STXBP4: variants seen among roughly 807,000 people sequenced by gnomAD.
STXBP4 encodes syntaxin binding protein 4.
STXBP4 carries 55 observed loss-of-function variants against 76.1 expected under a neutral mutation model. That is an observed-to-expected ratio of 0.72 (90% CI 0.58 to 0.91). The LOEUF (loss-of-function observed/expected upper bound fraction) is 0.91. Ranked by LOEUF, STXBP4 falls within the 40% of genes least tolerant of loss-of-function variation. The pLI is 0.00. For missense variants in STXBP4, 618 were observed against 636.9 expected, an observed-to-expected ratio of 0.97 and a Z score of 0.32; for synonymous variants, 201 against 220.2, an observed-to-expected ratio of 0.91 and a Z score of 0.77.
At chr17:54,998,101 G>A (rs1481350382) in intron 4 of STXBP4, among the ~76,000 whole-genome samples, 2 of 151,986 alleles carry the variant, frequency 1.3e-5, no homozygotes, top group African/African-American at 4.8e-5. Context: ...AGTACTTCAT[G>A]TCTTTTTAAA....
chr17:54,978,117 G>A (rs972024756), intron 1 of STXBP4, among the ~76,000 whole-genome samples: 1 of 151,964 alleles, frequency 6.6e-6, no homozygotes, highest in African/African-American at 2.4e-5. Flanking sequence ...AAAGAAAATC[G>A]TTCCCTCAAA....
chr17:55,188,672 A>T, the STXBP4 span, among the ~76,000 whole-genome samples: 1 of 152,206 alleles, frequency 6.6e-6, no homozygotes, highest in African/African-American at 2.4e-5. Flanking sequence ...GGATCCCACA[A>T]AGAATTTTCT....
the STXBP4 span, among the ~76,000 whole-genome samples, chr17:55,210,222 A>T: frequency 1.3e-5 from 2 of 152,186 alleles, no homozygotes; most frequent in Non-Finnish European, 2.9e-5. Flanking sequence ...ATAAATCTAA[A>T]TTTTTAATGG....
intron 7 of STXBP4, 27 bp downstream of exon 7, chr17:55,000,910 C>T (rs1199606606): frequency 1.4e-6 from 2 of 1,442,320 alleles, no homozygotes; most frequent in African/African-American, 1.4e-5. Flanking sequence ...TTTCTATTTC[C>T]TGTTTTTTAT....
At chr17:55,026,689 A>G (rs1198115857) in intron 8 of STXBP4, among the ~76,000 whole-genome samples, 2 of 152,216 alleles carry the variant, frequency 1.3e-5, no homozygotes, top group Non-Finnish European at 2.9e-5. Flanking sequence ...TTTGCAGTCT[A>G]TGGACCGAAG....
At chr17:54,988,381 T>C (rs1165590130) in intron 3 of STXBP4, among the ~76,000 whole-genome samples, 1 of 152,194 alleles carries the variant, frequency 6.6e-6, no homozygotes, top group African/African-American at 2.4e-5. Context: ...TAAGAGTTAG[T>C]GGAGAGATCT....
intron 16 of STXBP4, among the ~76,000 whole-genome samples, chr17:55,110,922 T>G (rs1169969085): frequency 6.6e-6 from 1 of 152,166 alleles, no homozygotes; most frequent in African/African-American, 2.4e-5. Context: ...AAAGAGCCAG[T>G]GATGGACTTT....
chr17:54,997,512 AT>A (rs535467140), intron 4 of STXBP4, among the ~76,000 whole-genome samples: 233 of 141,080 alleles, frequency 1.7e-3, no homozygotes, highest in African/African-American at 5.0e-3. Context: ...AAAATCAAAA[AT>A]TTTTTTTAAA....
intron 12 of STXBP4, among the ~76,000 whole-genome samples, chr17:55,056,478 T>A (rs2078924165): frequency 6.6e-6 from 1 of 152,190 alleles, no homozygotes; most frequent in African/African-American, 2.4e-5. Flanking sequence ...CAAAAATCTT[T>A]TTCTTTTAAT....
chr17:55,211,046 T>C, the STXBP4 span, among the ~76,000 whole-genome samples: 2 of 152,138 alleles, frequency 1.3e-5, no homozygotes, highest in Non-Finnish European at 2.9e-5. Context: ...GTTTTCATGT[T>C]CAAAGAGGTG....
At chr17:55,059,695 G>T (rs1321201854) in intron 12 of STXBP4, among the ~76,000 whole-genome samples, 2 of 151,952 alleles carry the variant, frequency 1.3e-5, no homozygotes, top group Non-Finnish European at 2.9e-5. Context: ...TGCAGTCTTA[G>T]GTCTCATCCC....
intron 16 of STXBP4, among the ~76,000 whole-genome samples, chr17:55,108,256 C>T (rs1598320233): frequency 6.6e-6 from 1 of 152,148 alleles, no homozygotes; most frequent in East Asian, 1.9e-4. Flanking sequence ...GACGCCCCTC[C>T]CCCAGCAAGC....
the STXBP4 span, among the ~76,000 whole-genome samples, chr17:55,197,360 A>C: frequency 2.0e-5 from 3 of 152,246 alleles, no homozygotes; most frequent in Admixed American, 2.0e-4. Flanking sequence ...GAGGGAAGGC[A>C]GGACATTTCC....
intron 1 of STXBP4, among the ~76,000 whole-genome samples, chr17:54,969,817 C>T (rs2077361712): frequency 6.6e-6 from 1 of 152,190 alleles, no homozygotes; most frequent in Admixed American, 6.5e-5. Context: ...TAGCACAGAA[C>T]AAGTCGGGAG....
At chr17:55,079,083 A>G (rs1424928511) in intron 15 of STXBP4, among the ~76,000 whole-genome samples, 1 of 152,176 alleles carries the variant, frequency 6.6e-6, no homozygotes. Context: ...GTTCACTACT[A>G]AAAGTGTCTC....
intron 10 of STXBP4, among the ~76,000 whole-genome samples, chr17:55,041,425 C>T (rs142984958): frequency 6.6e-6 from 1 of 151,990 alleles, no homozygotes; most frequent in African/African-American, 2.4e-5. Flanking sequence ...ATTATGTTGC[C>T]CAGGCTGATC....
At chr17:55,083,231 C>T (rs1049204037) in intron 16 of STXBP4, among the ~76,000 whole-genome samples, 24 of 152,126 alleles carry the variant, frequency 1.6e-4, no homozygotes, top group African/African-American at 5.8e-4. Context: ...CCACCTCAGC[C>T]TCACAAAGTG....
the STXBP4 span, among the ~76,000 whole-genome samples, chr17:55,206,418 C>T: frequency 5.3e-4 from 80 of 152,298 alleles, no homozygotes; most frequent in African/African-American, 1.8e-3. Flanking sequence ...CAATTGAAAA[C>T]TTCTCCTCTC....
intron 1 of STXBP4, among the ~76,000 whole-genome samples, chr17:54,973,631 G>A (rs1367305408): frequency 6.6e-6 from 1 of 152,190 alleles, no homozygotes; most frequent in African/African-American, 2.4e-5. Context: ...TTAAATGAAT[G>A]CATAAGCCTG....
Sources: gnomAD v4.1 joint callset for allele counts (sites outside exome capture counted in the v4.1 genomes callset) on GRCh38, gnomAD v4.1.1 for gene constraint, MANE v1.5 for transcripts, NCBI Gene and HGNC (gene_info 2026-07-23, HGNC 2026-07-21) for gene names.